The following WWOX variants were observed in gnomAD, a reference collection of about 807,000 sequenced individuals.
WWOX encodes the protein WW domain containing oxidoreductase.
A neutral mutation model predicts 46.2 loss-of-function variants in WWOX; 69 were observed. The observed-to-expected ratio is 1.49, with a 90% CI of 1.23 to 1.82. The LOEUF is 1.82. WWOX is among the 40% of genes most tolerant of loss of function. WWOX has a pLI of 0.00. For missense variants in WWOX, 919 were observed against 542.6 expected (o/e 1.69, Z -6.89); for synonymous variants, 359 against 202.6 (o/e 1.77, Z -6.56).
intron 5 of WWOX, among the ~76,000 whole-genome samples, chr16:78,196,957 GA>G (rs1222139306): frequency 2.6e-5 from 4 of 152,170 alleles, no homozygotes; most frequent in African/African-American, 9.7e-5. Context: ...GTTTCCTGGT[GA>G]ATTCCTTCCC....
At chr16:78,519,665 G>A (rs372370631) in intron 8 of WWOX, among the ~76,000 whole-genome samples, 9 of 152,130 alleles carry the variant, frequency 5.9e-5, no homozygotes, top group African/African-American at 1.2e-4. Flanking sequence ...TCCTGGGGGC[G>A]GAGGGTACTA....
chr16:78,815,185 C>A (rs2051297603), intron 8 of WWOX, among the ~76,000 whole-genome samples: 1 of 152,108 alleles, frequency 6.6e-6, no homozygotes, highest in Non-Finnish European at 1.5e-5. Flanking sequence ...ATTAACCAGG[C>A]ATGGTGGCAC....
intron 8 of WWOX, chr16:78,825,554 C>T (rs1052353113): frequency 2.5e-5 from 13 of 530,124 alleles, no homozygotes; most frequent in Non-Finnish European, 3.8e-5. Flanking sequence ...AAAAGGTGGC[C>T]CCAGAGGTCT....
intron 8 of WWOX, among the ~76,000 whole-genome samples, chr16:78,582,584 A>G (rs764155702): frequency 5.9e-5 from 9 of 152,206 alleles, no homozygotes; most frequent in African/African-American, 1.2e-4. Flanking sequence ...ATGTTGATCA[A>G]TGACACCTTT....
At chr16:78,770,634 G>T (rs1221769956) in intron 8 of WWOX, among the ~76,000 whole-genome samples, 1 of 152,170 alleles carries the variant, frequency 6.6e-6, no homozygotes, top group Non-Finnish European at 1.5e-5. Flanking sequence ...GCCTGCAGGG[G>T]TGGAGTGCCG....
chr16:79,046,884 C>T (rs112855433), intron 8 of WWOX, among the ~76,000 whole-genome samples: 4 of 152,290 alleles, frequency 2.6e-5, no homozygotes, highest in Non-Finnish European at 4.4e-5. Context: ...TCTCGTACTT[C>T]CCATATTCCT....
chr16:78,495,248 C>G (rs9939714), intron 8 of WWOX, among the ~76,000 whole-genome samples: 110,998 of 149,712 alleles, frequency 0.74, 43,509 homozygotes, highest in Admixed American at 0.86. Flanking sequence ...TCAAGCGATT[C>G]TCCTGCCTCA....
At chr16:78,149,935 C>G (rs2034340944) in intron 4 of WWOX, among the ~76,000 whole-genome samples, 1 of 152,114 alleles carries the variant, frequency 6.6e-6, no homozygotes, top group South Asian at 2.1e-4. Context: ...GGAGTGTTCC[C>G]TCCTTTTACG....
At chr16:78,684,812 G>C (rs1317529735) in intron 8 of WWOX, among the ~76,000 whole-genome samples, 1 of 152,194 alleles carries the variant, frequency 6.6e-6, no homozygotes, top group African/African-American at 2.4e-5. Context: ...ATATGTTTCA[G>C]TGAAGCAGTT....
intron 8 of WWOX, among the ~76,000 whole-genome samples, chr16:79,082,072 C>T (rs142506725): frequency 6.6e-5 from 10 of 152,226 alleles, no homozygotes; most frequent in African/African-American, 2.4e-4. Flanking sequence ...CCATTCCTTG[C>T]CAAGCGAAAA....
Position 78,266,788 on chromosome 16 carries a change from TTCTCTCTCTC to T in WWOX, c.516+102527_516+102536del, listed in dbSNP as rs60393431. The stretch of plus-strand genomic sequence containing the variant: ...GATAAATGCAAGTTCTATTCTTCTA[TTCTCTCTCTC>T]TCTCTCTCTCTCTCTCTCTCTCTCT... On this transcript the variant is annotated intron_variant, in intron 5 of 8. Coordinates refer to ENST00000566780, the MANE Select transcript of WWOX (RefSeq NM_016373.4). Among the ~76,000 whole-genome samples the T allele has an allele frequency of 3.7e-4, 43 of 115,532 alleles. 1 individual carries two copies. Among genetic ancestry groups the T allele is most frequent in the Admixed American group, 2.7e-3 (27 of 10,026 alleles). 75.8% of individuals were successfully genotyped at this position (115,532 alleles called of 152,430 possible). A position where few individuals can be genotyped will look rare whatever the true frequency, so the allele number is the denominator to read the frequency against.
intron 8 of WWOX, among the ~76,000 whole-genome samples, chr16:79,114,150 TTGCTGCTTGTTAAG>T (rs2049467091): frequency 6.6e-6 from 1 of 152,142 alleles, no homozygotes; most frequent in Non-Finnish European, 1.5e-5. Context: ...ATGCTTTTAA[TTGCTGCTTGTTAAG>T]TGCATCTATT....
chr16:78,173,171 C>T (rs750230230), intron 5 of WWOX, among the ~76,000 whole-genome samples: 37 of 152,328 alleles, frequency 2.4e-4, no homozygotes, highest in Non-Finnish European at 2.9e-4. Context: ...TTTACATATG[C>T]AGACGCAACC....
In WWOX at chr16:78,527,991, C is replaced by CTTTTTTT. The variant is rs71140808; in HGVS notation, c.1056+95258_1056+95264dup. Among the ~76,000 whole-genome samples, 236 of 34,868 alleles carry CTTTTTTT rather than the reference C, an allele frequency of 6.8e-3. 39 individuals are homozygous for CTTTTTTT. The highest frequency in any genetic ancestry group is 8.5e-3 in the Non-Finnish European group (158 of 18,686). 22.9% of individuals were successfully genotyped at this position (34,868 alleles called of 152,430 possible). A position where few individuals can be genotyped will look rare whatever the true frequency, so the allele number is the denominator to read the frequency against. ...CTATGTCACAGGACTGGTACATGTC[C>CTTTTTTT]TTTTTTTTTTTTTTTTTTTTTTTTT... On this transcript the variant is annotated intron_variant, in intron 8 of 8. Transcript: ENST00000566780.
chr16:78,600,718 T>A (rs1044046660), intron 8 of WWOX, among the ~76,000 whole-genome samples: 1 of 152,176 alleles, frequency 6.6e-6, no homozygotes, highest in Non-Finnish European at 1.5e-5. Flanking sequence ...AATAGGGCCA[T>A]GAAAGCATAA....
intron 8 of WWOX, among the ~76,000 whole-genome samples, chr16:78,576,075 A>G (rs890405776): frequency 6.6e-6 from 1 of 152,094 alleles, no homozygotes; most frequent in Non-Finnish European, 1.5e-5. Flanking sequence ...AGCACAATAT[A>G]ATATTGAATT....
At chr16:78,721,935 A>G (rs548271251) in intron 8 of WWOX, among the ~76,000 whole-genome samples, 1 of 152,362 alleles carries the variant, frequency 6.6e-6, no homozygotes, top group Admixed American at 6.5e-5. Context: ...TGTAAATGTG[A>G]CTTTCCTTTG....
intron 8 of WWOX, among the ~76,000 whole-genome samples, chr16:78,502,871 G>A (rs556641271): frequency 9.2e-5 from 14 of 152,130 alleles, no homozygotes; most frequent in Admixed American, 2.0e-4. Flanking sequence ...CTCCTCCTTA[G>A]GTGAAGAAGG....
chr16:78,123,428 G>GTTTTTTTTTTTTTTTTT (rs1330107026), intron 4 of WWOX: 1 of 61,050 alleles, frequency 1.6e-5, no homozygotes, highest in African/African-American at 5.7e-5. Context: ...TTTTTTCTTT[G>GTTTTTTTTTTTTTTTTT]TTTTTTGTTT....
Sources: allele counts gnomAD v4.1 joint callset (sites outside exome capture counted in the v4.1 genomes callset), GRCh38; gene constraint gnomAD v4.1.1; transcripts MANE v1.5; gene names NCBI Gene and HGNC (gene_info 2026-07-23, HGNC 2026-07-21).